The following RNF38 variants were observed in gnomAD, a reference collection of about 807,000 sequenced individuals.
RNF38 encodes E3 ubiquitin-protein ligase RNF38.
Under a neutral mutation model 67.2 loss-of-function variants are expected in RNF38, and 15 were observed. That is an observed-to-expected ratio of 0.22 (90% CI 0.15 to 0.34). RNF38 has a LOEUF of 0.34. RNF38 is among the 10% of genes least tolerant of loss of function. The probability of loss-of-function intolerance (pLI) is 1.00; values close to 1 mark genes in which losing one functional copy is unlikely to be tolerated. For missense variants in RNF38, 524 were observed against 639.9 expected, an observed-to-expected ratio of 0.82 and a Z score of 1.95; for synonymous variants, 220 against 218.8, an observed-to-expected ratio of 1.01 and a Z score of -0.05.
chr9:36,357,098 T>C (rs1422576469), intron 5 of RNF38, among the ~76,000 whole-genome samples: 1 of 152,210 alleles, frequency 6.6e-6, no homozygotes, highest in African/African-American at 2.4e-5. Context: ...GAAGACATTG[T>C]TGACCTTAGA....
chr9:36,405,386 T>TCA (rs1440057776), upstream of RNF38, among the ~76,000 whole-genome samples: 1 of 152,246 alleles, frequency 6.6e-6, no homozygotes, highest in African/African-American at 2.4e-5. Flanking sequence ...TGTTAGGAAT[T>TCA]CACATTTCTA....
chr9:36,369,829 C>T lies in RNF38; in HGVS notation c.460G>A (p.Ala154Thr), dbSNP rs771386864. The T allele has an allele frequency of 1.2e-5, 19 of 1,613,848 alleles. No individual in the cohort carries two copies. Among genetic ancestry groups the T allele is most frequent in the South Asian group, 2.2e-5 (2 of 91,076 alleles). ...TGGAAGGCTCGAGGCTCCTCTATTG[C>T]TTGCTGCTGTGCGTAAGGGAGATGG... ...YHHLPYAQQQAIEEPRAFHPP... is the reference protein window; with the variant it reads ...YHHLPYAQQQTIEEPRAFHPP... The change falls in exon 4 of 12, where the codon GCA (alanine) becomes ACA (threonine). Residue 154 changes from alanine (A) to threonine (T), a missense_variant. Physicochemically the swap from Ala to Thr is moderately conservative, Grantham distance 58. This residue lies in a region of RNF38 where 461 missense variants were observed against 517.4 expected (regional missense o/e 0.89). Transcript: ENST00000259605.
intron 9 of RNF38, among the ~76,000 whole-genome samples, chr9:36,349,452 AC>A (rs1396590766): frequency 2.0e-5 from 3 of 151,862 alleles, no homozygotes; most frequent in Non-Finnish European, 2.9e-5. Flanking sequence ...CAGGTCCTCC[AC>A]CCATTTTTTT....
chr9:36,446,439 T>C (rs1013239005), intron 1 of RNF38, among the ~76,000 whole-genome samples: 3 of 152,208 alleles, frequency 2.0e-5, no homozygotes, highest in African/African-American at 7.2e-5. Flanking sequence ...GACAAGGGAA[T>C]GGTTTGGAAA....
chr9:36,367,598 T>C (rs1305808915), intron 4 of RNF38, among the ~76,000 whole-genome samples: 1 of 152,120 alleles, frequency 6.6e-6, no homozygotes, highest in East Asian at 1.9e-4. Flanking sequence ...AATTAAAAAA[T>C]TGTTCTCATA....
intron 2 of RNF38, among the ~76,000 whole-genome samples, chr9:36,388,676 A>G (rs1368777064): frequency 6.6e-6 from 1 of 152,158 alleles, no homozygotes; most frequent in Non-Finnish European, 1.5e-5. Flanking sequence ...CTCCTAGAGA[A>G]GGTTGATGTC....
intron 8 of RNF38, 98 bp from the exon 9 acceptor site, chr9:36,351,297 T>C (rs1833671104): frequency 2.0e-5 from 15 of 741,016 alleles, no homozygotes; most frequent in Non-Finnish European, 3.3e-5. Context: ...GGATGAAGAA[T>C]GGTTAGTGTT....
chr9:36,472,702 T>C (rs1840023377), intron 1 of RNF38, among the ~76,000 whole-genome samples: 2 of 152,060 alleles, frequency 1.3e-5, no homozygotes, highest in South Asian at 4.1e-4. Context: ...AGCCAAGAAG[T>C]TTTTCTTCAT....
chr9:36,386,454 T>C (rs140264558), intron 2 of RNF38, among the ~76,000 whole-genome samples: 1 of 152,238 alleles, frequency 6.6e-6, no homozygotes, highest in Non-Finnish European at 1.5e-5. Flanking sequence ...TTTCTCTATG[T>C]GTATAGCTTT....
At chr9:36,473,184 G>A (rs2134420127) in intron 1 of RNF38, among the ~76,000 whole-genome samples, 1 of 152,210 alleles carries the variant, frequency 6.6e-6, no homozygotes, top group East Asian at 1.9e-4. Flanking sequence ...TCCAGTGCTG[G>A]GCACAGTTGG....
At chr9:36,371,525 C>A (rs891444143) in intron 3 of RNF38, among the ~76,000 whole-genome samples, 1 of 150,664 alleles carries the variant, frequency 6.6e-6, no homozygotes, top group South Asian at 2.1e-4. Context: ...CGGCTCACTG[C>A]GACCTCTGCC....
chr9:36,469,056 G>A (rs1286040270), intron 1 of RNF38, among the ~76,000 whole-genome samples: 4 of 152,130 alleles, frequency 2.6e-5, no homozygotes, highest in Non-Finnish European at 5.9e-5. Context: ...AGCTTGCAGT[G>A]AGCTGAGATC....
chr9:36,456,652 C>T (rs994353684), intron 1 of RNF38, among the ~76,000 whole-genome samples: 1 of 152,136 alleles, frequency 6.6e-6, no homozygotes, highest in South Asian at 2.1e-4. Context: ...CCTCTTCCTG[C>T]AATTCACCTC....
intron 3 of RNF38, among the ~76,000 whole-genome samples, chr9:36,374,327 G>T (rs1200098095): frequency 1.3e-5 from 2 of 152,194 alleles, no homozygotes; most frequent in Non-Finnish European, 2.9e-5. Flanking sequence ...AGACTGGGTG[G>T]CTTAAACAGA....
At chr9:36,376,984 A>G (rs1262827663) in intron 2 of RNF38, among the ~76,000 whole-genome samples, 1 of 152,158 alleles carries the variant, frequency 6.6e-6, no homozygotes, top group African/African-American at 2.4e-5. Flanking sequence ...TTAGACAGAT[A>G]AAGAAATAGC....
chr9:36,341,781 ACC>A (rs1287100958), intron 11 of RNF38, among the ~76,000 whole-genome samples: 1 of 27,902 alleles, frequency 3.6e-5, no homozygotes, highest in Non-Finnish European at 9.7e-5. Context: ...ACACACTGAG[ACC>A]CTGTTTCAAA....
chr9:36,462,079 G>A (rs140708979), intron 1 of RNF38, among the ~76,000 whole-genome samples: 2 of 152,260 alleles, frequency 1.3e-5, no homozygotes, highest in Non-Finnish European at 2.9e-5. Context: ...CCAACAGGCT[G>A]GGATCCAAGA....
At chr9:36,416,794 C>T (rs1838486123) in intron 2 of RNF38, among the ~76,000 whole-genome samples, 1 of 124,522 alleles carries the variant, frequency 8.0e-6, no homozygotes, top group Non-Finnish European at 1.6e-5. Flanking sequence ...ATTCTGTGGC[C>T]CAGGCTGGAG....
intron 1 of RNF38, among the ~76,000 whole-genome samples, chr9:36,474,185 C>T (rs1236559684): frequency 6.6e-6 from 1 of 150,432 alleles, no homozygotes; most frequent in Non-Finnish European, 1.5e-5. Flanking sequence ...TGGTGGCGGG[C>T]GCCTGTAGTC....
Sources: gnomAD v4.1 joint callset for allele counts (sites outside exome capture counted in the v4.1 genomes callset) on GRCh38, gnomAD v4.1.1 for gene constraint, gnomAD v4.1.1 regional missense constraint, MANE v1.5 for transcripts, NCBI Gene and HGNC (gene_info 2026-07-23, HGNC 2026-07-21) for gene names.